Variants in AHRR observed in about 807,000 individuals in gnomAD.
The protein encoded by AHRR is aryl hydrocarbon receptor repressor.
Under a neutral mutation model 44.0 loss-of-function variants are expected in AHRR, and 28 were observed. That is an observed-to-expected ratio of 0.64 (90% CI 0.47 to 0.87). The LOEUF (loss-of-function observed/expected upper bound fraction) is 0.87. Ranked by LOEUF, AHRR falls within the 40% of genes least tolerant of loss-of-function variation. The probability of loss-of-function intolerance (pLI) is 0.00; values close to 1 mark genes in which losing one functional copy is unlikely to be tolerated. For missense variants in AHRR, 990 were observed against 953.9 expected (o/e 1.04, Z -0.50); for synonymous variants, 434 against 407.0 (o/e 1.07, Z -0.80).
At chr5:415,013 C>T (rs936474976) in intron 5 of AHRR, among the ~76,000 whole-genome samples, 4 of 152,230 alleles carry the variant, frequency 2.6e-5, no homozygotes, top group African/African-American at 9.6e-5. Flanking sequence ...AGGCTGAGAG[C>T]CAGACCCTCA....
At chr5:330,075 T>G (rs1741857442) in intron 1 of AHRR, among the ~76,000 whole-genome samples, 1 of 152,200 alleles carries the variant, frequency 6.6e-6, no homozygotes, top group Non-Finnish European at 1.5e-5. Context: ...CAACTTTTCC[T>G]CATTCAGTAT....
rs761134101 is a variant in AHRR, at chr5:432,911, G to T, written c.1076G>T (p.Gly359Val). 1 of 1,612,964 alleles carries T rather than the reference G, an allele frequency of 6.2e-7. No individual in the cohort carries two copies. Among genetic ancestry groups the T allele is most frequent in the Non-Finnish European group, 8.5e-7 (1 of 1,179,710 alleles). ...ARAPCLCLRG[G>V]PDLVLDPKGG... ...GCCCCATGCCTGTGCCTCCGGGGTG[G>T]CCCTGACCTTGTCCTTGACCCCAAG... The change falls in exon 10 of 11, where the codon GGC becomes GTC. Residue 359 changes from glycine to valine, a missense_variant. Physicochemically the swap from Gly to Val is moderately radical, Grantham distance 109. Transcript: ENST00000684583.
intron 2 of AHRR, among the ~76,000 whole-genome samples, chr5:350,405 G>A (rs546906901): frequency 2.6e-5 from 4 of 152,178 alleles, no homozygotes; most frequent in East Asian, 3.9e-4. Flanking sequence ...GCTGATGGGC[G>A]TTGATGAATC....
chr5:345,008 G>A (rs1419776215), intron 2 of AHRR, among the ~76,000 whole-genome samples: 1 of 140,740 alleles, frequency 7.1e-6, no homozygotes, highest in Non-Finnish European at 1.5e-5. Flanking sequence ...TGGGGAGTGT[G>A]AGGCTGTGTG....
chr5:388,615 G>A lies in AHRR; in HGVS notation c.351+11899G>A, dbSNP rs1449448881. On this transcript the variant is annotated intron_variant, in intron 4 of 10. Transcript: ENST00000684583. The surrounding 1 kb of genome is among the most constrained non-coding windows in gnomAD (Gnocchi z 5.2). ...TCATGCCAGGCAGCCCTGAGGGGCCGAGCCGACTGGAGGGGCACAGCCTGG... is the reference window on the plus strand; with the variant it reads ...TCATGCCAGGCAGCCCTGAGGGGCCAAGCCGACTGGAGGGGCACAGCCTGG... Among the ~76,000 whole-genome samples the A allele has an allele frequency of 6.6e-6, 1 of 152,184 alleles. No homozygotes were observed. Among genetic ancestry groups the A allele is most frequent in the African/African-American group, 2.4e-5 (1 of 41,452 alleles).
intron 4 of AHRR, among the ~76,000 whole-genome samples, chr5:393,879 C>A (rs1039043193): frequency 2.6e-5 from 4 of 152,210 alleles, no homozygotes; most frequent in Non-Finnish European, 4.4e-5. Flanking sequence ...CTTAAGTGAT[C>A]AGCCTCCCAA....
At position 326,007 on chromosome 5, in the gene AHRR, T is replaced by C. The variant is rs187320241; in HGVS notation, c.-11+4188T>C. 1.3e-5 allele frequency among the ~76,000 whole-genome samples: 2 copies of C among 152,178 alleles called. No individual in the cohort carries two copies. The highest frequency in any genetic ancestry group is 2.9e-5 in the Non-Finnish European group (2 of 68,044). On this transcript the variant is annotated intron_variant, in intron 1 of 10. Transcript: ENST00000684583. The surrounding 1 kb of genome is among the most constrained non-coding windows in gnomAD (Gnocchi z 4.1). ...CATGTTGGCCAGGCTGGTCTTGAAC[T>C]CCTGACCTCAGGCGATTCCCCTGCC...
At chr5:368,731 G>A (rs1743462012) in intron 3 of AHRR, among the ~76,000 whole-genome samples, 2 of 152,230 alleles carry the variant, frequency 1.3e-5, no homozygotes, top group Admixed American at 6.5e-5. Flanking sequence ...AGGCCCCCGG[G>A]TTCTGTGATC....
At chr5:389,483 C>G (rs1275649134) in intron 4 of AHRR, among the ~76,000 whole-genome samples, 1 of 152,164 alleles carries the variant, frequency 6.6e-6, no homozygotes, top group Non-Finnish European at 1.5e-5. Flanking sequence ...AATCCCAATG[C>G]GTGATGCAGC....
intron 3 of AHRR, 53 bp from the exon 4 acceptor site, chr5:376,557 A>ATGTGAATGAATGAGAACGGC: frequency 1.4e-6 from 2 of 1,423,184 alleles, no homozygotes; most frequent in Non-Finnish European, 1.9e-6. Context: ...AATGAAGAAG[A>ATGTGAATGAATGAGAACGGC]GTGGCCAGGC....
intron 1 of AHRR, among the ~76,000 whole-genome samples, chr5:323,505 G>C (rs1741579267): frequency 6.6e-6 from 1 of 152,006 alleles, no homozygotes; most frequent in Non-Finnish European, 1.5e-5. Context: ...ATCAGCAACT[G>C]TTTCTCAAAC....
Position 366,997 on chromosome 5 carries a change from T to C in AHRR, c.245-9613T>C, listed in dbSNP as rs556743203. 9.2e-5 allele frequency among the ~76,000 whole-genome samples: 14 copies of C among 152,346 alleles called. No homozygotes were observed. The South Asian group carries it at 2.9e-3, about 32-fold the overall frequency. On this transcript the variant is annotated intron_variant, in intron 3 of 10. Coordinates refer to ENST00000684583, the MANE Select transcript of AHRR (RefSeq NM_001377236.1). Reference sequence around the variant, plus strand: ...ACCACCTTGGCTGAAAGGATGTTATTGGGACACTGGTGAAACTCAGTGGCA... The same window carrying C: ...ACCACCTTGGCTGAAAGGATGTTATCGGGACACTGGTGAAACTCAGTGGCA...
intron 4 of AHRR, among the ~76,000 whole-genome samples, chr5:400,958 C>T (rs987099248): frequency 2.0e-5 from 3 of 152,212 alleles, no homozygotes; most frequent in Non-Finnish European, 4.4e-5. Context: ...CCCAGCAGTG[C>T]CAGGAAGGGC....
chr5:332,508 C>G (rs1178849893), intron 1 of AHRR, among the ~76,000 whole-genome samples: 7 of 152,030 alleles, frequency 4.6e-5, no homozygotes, highest in Admixed American at 4.6e-4. Context: ...CCTCATGATC[C>G]ACCCGCCTCG....
chr5:391,401 G>A (rs1455989510), intron 4 of AHRR, among the ~76,000 whole-genome samples: 5 of 120,788 alleles, frequency 4.1e-5, no homozygotes, highest in African/African-American at 1.1e-4. Flanking sequence ...GGCGCAGGGC[G>A]AGGCAGGGCC....
intron 4 of AHRR, among the ~76,000 whole-genome samples, chr5:389,382 C>T (rs762875274): frequency 2.2e-4 from 33 of 152,190 alleles, no homozygotes; most frequent in Admixed American, 1.8e-3. Context: ...CACCGGTGCC[C>T]GAGCGACTCG....
At chr5:433,368 C>T (rs1362053398) in intron 10 of AHRR, among the ~76,000 whole-genome samples, 1 of 152,322 alleles carries the variant, frequency 6.6e-6, no homozygotes, top group East Asian at 1.9e-4. Flanking sequence ...CTGTGCCCCA[C>T]AGGCCCCTCC....
chr5:414,167 G>A (rs551500023), intron 5 of AHRR, among the ~76,000 whole-genome samples: 29 of 152,278 alleles, frequency 1.9e-4, no homozygotes, highest in Admixed American at 1.7e-3. Flanking sequence ...GGAGGCTGAG[G>A]CAGGAGAATA....
chr5:394,754 C>G (rs1159677928), intron 4 of AHRR, among the ~76,000 whole-genome samples: 1 of 152,208 alleles, frequency 6.6e-6, no homozygotes, highest in Non-Finnish European at 1.5e-5. Context: ...TGTGTGGGGC[C>G]GGACAGGGCT....
Sources: allele counts gnomAD v4.1 joint callset (sites outside exome capture counted in the v4.1 genomes callset), GRCh38; gene constraint gnomAD v4.1.1; non-coding constraint Gnocchi (gnomAD v3.1); transcripts MANE v1.5; gene names NCBI Gene and HGNC (gene_info 2026-07-23, HGNC 2026-07-21).